CPNE1: variants seen among roughly 807,000 people sequenced by gnomAD.
CPNE1 encodes the protein copine-1.
A neutral mutation model predicts 63.2 loss-of-function variants in CPNE1; 58 were observed. That is an observed-to-expected ratio of 0.92 (90% CI 0.74 to 1.14). CPNE1 has a LOEUF of 1.14. Ranked by LOEUF, CPNE1 falls within the 50% of genes most tolerant of loss-of-function variation. The pLI is 0.00. For synonymous variants in CPNE1, 237 were observed against 249.0 expected (o/e 0.95, Z 0.45); for missense variants, 672 against 661.7 (o/e 1.02, Z -0.17).
At chr20:35,629,511 T>C (rs1281773414) in intron 13 of CPNE1, among the ~76,000 whole-genome samples, 1 of 152,108 alleles carries the variant, frequency 6.6e-6, no homozygotes, top group Non-Finnish European at 1.5e-5. Flanking sequence ...ATATAACAGA[T>C]ACCATTTTTC....
intron 1 of CPNE1, among the ~76,000 whole-genome samples, chr20:35,641,836 C>G (rs191651081): frequency 2.0e-5 from 3 of 152,230 alleles, no homozygotes; most frequent in Admixed American, 2.0e-4. Context: ...TCCTGCCACA[C>G]AGCATATACC....
At chr20:35,650,565 G>A (rs886149091) in intron 1 of CPNE1, 2 of 152,488 alleles carry the variant, frequency 1.3e-5, no homozygotes, top group Non-Finnish European at 2.9e-5. Context: ...ATATACAAAC[G>A]TTATATTGCT....
At chr20:35,662,982 A>G (rs2034316967) in intron 1 of CPNE1, among the ~76,000 whole-genome samples, 1 of 152,234 alleles carries the variant, frequency 6.6e-6, no homozygotes, top group African/African-American at 2.4e-5. Flanking sequence ...CATTTAATCG[A>G]GCATATATAA....
At chr20:35,639,173 C>T (rs1055726340) in intron 1 of CPNE1, among the ~76,000 whole-genome samples, 6 of 151,532 alleles carry the variant, frequency 4.0e-5, no homozygotes, top group African/African-American at 7.3e-5. Flanking sequence ...ACAAGTGTAC[C>T]GATGACTGAA....
At chr20:35,641,818 T>TCA (rs1284856164) in intron 1 of CPNE1, among the ~76,000 whole-genome samples, 2 of 152,234 alleles carry the variant, frequency 1.3e-5, no homozygotes, top group Admixed American at 1.3e-4. Flanking sequence ...AAACACTGTT[T>TCA]CAGCATCTCC....
chr20:35,634,905 ATTTTTTT>A (rs56017917), intron 1 of CPNE1, among the ~76,000 whole-genome samples: 2 of 122,112 alleles, frequency 1.6e-5, no homozygotes, highest in Admixed American at 8.5e-5. Flanking sequence ...ACACCCAGCT[ATTTTTTT>A]TTTTTTTTTT....
At chr20:35,642,281 C>T (rs2032854804) in intron 1 of CPNE1, among the ~76,000 whole-genome samples, 1 of 152,208 alleles carries the variant, frequency 6.6e-6, no homozygotes, top group Non-Finnish European at 1.5e-5. Flanking sequence ...AAGGCACCAG[C>T]CTGCAATTCC....
intron 1 of CPNE1, among the ~76,000 whole-genome samples, chr20:35,635,526 T>C (rs1208941879): frequency 6.6e-6 from 1 of 152,072 alleles, no homozygotes; most frequent in African/African-American, 2.4e-5. Context: ...GGAACATTAT[T>C]TTCTTGCATG....
chr20:35,653,730 C>T, intron 1 of CPNE1: 1 of 1,614,210 alleles, frequency 6.2e-7, no homozygotes, highest in Non-Finnish European at 8.5e-7. Flanking sequence ...GATTTAGTAT[C>T]ATTTCCCTCT....
chr20:35,633,648 C>T (rs1355266576), intron 1 of CPNE1, among the ~76,000 whole-genome samples: 2 of 152,268 alleles, frequency 1.3e-5, no homozygotes, highest in Admixed American at 6.5e-5. Context: ...GCAATCAGGG[C>T]GATCCTATTA....
chr20:35,651,678 T>C (rs1360712320), intron 1 of CPNE1: 2 of 152,574 alleles, frequency 1.3e-5, no homozygotes, highest in Admixed American at 1.3e-4. Context: ...TTATTAAAAG[T>C]GGTTTCTGGT....
chr20:35,653,332 C>T (rs146881677), intron 1 of CPNE1: 30 of 1,613,934 alleles, frequency 1.9e-5, no homozygotes, highest in Non-Finnish European at 2.5e-5. Flanking sequence ...AAGTCCTGCA[C>T]TGGGCAGTCC....
intron 1 of CPNE1, chr20:35,654,108 A>G: frequency 6.2e-7 from 1 of 1,614,184 alleles, no homozygotes; most frequent in Non-Finnish European, 8.5e-7. Flanking sequence ...GAAGTGTCTG[A>G]GGAGGGGGAT....
In CPNE1 at chr20:35,632,902, C is replaced by T; in HGVS notation, c.22G>A (p.Val8Ile). Residue 8 changes from valine (V) to isoleucine (I), a missense_variant, in exon 2 of 16, where the codon GTT (valine) becomes ATT (isoleucine). Coordinates refer to ENST00000397443, the MANE Select transcript of CPNE1 (RefSeq NM_152925.3). The stretch of plus-strand genomic sequence containing the variant: ...TGGTCACAGGAAATGGACAGCTGAA[C>T]CAAGGTCACGCAGTGGGCCATCTGA... MAHCVTL[V>I]QLSISCDHLI... The T allele has an allele frequency of 1.1e-6, 1 of 872,794 alleles. No homozygotes were observed. Among genetic ancestry groups the T allele is most frequent in the Middle Eastern group, 2.2e-4 (1 of 4,608 alleles). The allele number at this position is 872,794 out of a possible 1,614,324, so 54.1% of individuals were successfully genotyped here.
chr20:35,631,819 C>G, intron 6 of CPNE1, 42 bp from the exon 7 acceptor site: 2 of 1,572,910 alleles, frequency 1.3e-6, no homozygotes, highest in Admixed American at 1.7e-5. Context: ...TCTGGCATGG[C>G]CCCCTGAGGA....
At chr20:35,652,498 T>C (rs981461599) in intron 1 of CPNE1, 13 of 1,591,220 alleles carry the variant, frequency 8.2e-6, no homozygotes, top group African/African-American at 2.7e-5. Context: ...TATGAAGATC[T>C]ACCCTATAAA....
intron 1 of CPNE1, among the ~76,000 whole-genome samples, chr20:35,637,777 T>C (rs749611736): frequency 6.6e-5 from 10 of 152,204 alleles, no homozygotes; most frequent in Non-Finnish European, 1.0e-4. Context: ...GTTCTTACCA[T>C]GGTCTTCAAG....
chr20:35,646,087 TC>T (rs1057159770), intron 1 of CPNE1, among the ~76,000 whole-genome samples: 8 of 147,256 alleles, frequency 5.4e-5, no homozygotes, highest in Non-Finnish European at 9.0e-5. Flanking sequence ...CACTCCACCA[TC>T]ACCCCTACCC....
At chr20:35,638,947 G>A (rs957601784) in intron 1 of CPNE1, among the ~76,000 whole-genome samples, 5 of 152,214 alleles carry the variant, frequency 3.3e-5, no homozygotes, top group Non-Finnish European at 7.3e-5. Flanking sequence ...GGGAAGGGAA[G>A]GTATTAACTG....
Sources: allele counts gnomAD v4.1 joint callset (sites outside exome capture counted in the v4.1 genomes callset), GRCh38; gene constraint gnomAD v4.1.1; transcripts MANE v1.5; gene names NCBI Gene and HGNC (gene_info 2026-07-23, HGNC 2026-07-21).